TRDN: variants seen among roughly 807,000 people sequenced by gnomAD.
The protein encoded by TRDN is triadin, also known as triadin in skeletal muscle.
In TRDN, 161 loss-of-function variants were observed where a neutral mutation model predicts 149.7. The ratio of observed to expected loss-of-function variants is 1.08; its 90% CI spans 0.95 to 1.23. TRDN has a LOEUF of 1.23. Ranked by LOEUF, TRDN falls within the 50% of genes most tolerant of loss-of-function variation. TRDN has a pLI of 0.00. For missense variants in TRDN, 896 were observed against 823.5 expected, an observed-to-expected ratio of 1.09 and a Z score of -1.08; for synonymous variants, 294 against 250.5, an observed-to-expected ratio of 1.17 and a Z score of -1.64.
chr6:123,455,933 G>T (rs78263077), intron 10 of TRDN, among the ~76,000 whole-genome samples: 5,503 of 152,098 alleles, frequency 0.036, 234 homozygotes, highest in African/African-American at 0.1. Flanking sequence ...AAAATGTCAA[G>T]GATGCCTAGA....
intron 24 of TRDN, among the ~76,000 whole-genome samples, chr6:123,283,341 C>G (rs1245145359): frequency 6.6e-6 from 1 of 151,596 alleles, no homozygotes; most frequent in Non-Finnish European, 1.5e-5. Context: ...AATTCATAGC[C>G]TTAAATGCCT....
chr6:123,307,706 T>A (rs1446819018), intron 24 of TRDN, among the ~76,000 whole-genome samples: 2 of 151,956 alleles, frequency 1.3e-5, no homozygotes, highest in African/African-American at 4.8e-5. Flanking sequence ...ACATTCCCAC[T>A]TTTTCCTGAA....
intron 18 of TRDN, 68 bp downstream of exon 18, chr6:123,377,648 T>C (rs1462709412): frequency 3.2e-6 from 5 of 1,584,608 alleles, no homozygotes; most frequent in Non-Finnish European, 3.5e-6. Flanking sequence ...TACCACCTGT[T>C]TGAGGCTACA....
chr6:123,494,557 T>C (rs1271022056), intron 9 of TRDN, among the ~76,000 whole-genome samples: 1 of 152,188 alleles, frequency 6.6e-6, no homozygotes, highest in Non-Finnish European at 1.5e-5. Flanking sequence ...ACTAATAGAA[T>C]ATGAAGAAAA....
chr6:123,286,862 G>A (rs1337380876), intron 24 of TRDN, among the ~76,000 whole-genome samples: 2 of 151,536 alleles, frequency 1.3e-5, no homozygotes, highest in African/African-American at 4.9e-5. Context: ...GCAGCACCTG[G>A]GGAGTTGCTA....
chr6:123,620,259 A>G (rs1189148605), intron 1 of TRDN, among the ~76,000 whole-genome samples: 2 of 152,170 alleles, frequency 1.3e-5, no homozygotes, highest in Admixed American at 6.6e-5. Context: ...TTGTTAGAAC[A>G]CAGATCACTA....
At chr6:123,445,121 T>G (rs1775232833) in intron 10 of TRDN, 1 of 151,424 alleles carries the variant, frequency 6.6e-6, no homozygotes, top group African/African-American at 2.4e-5. Context: ...GTACCTCTGG[T>G]AGAATTTGGC....
chr6:123,424,697 G>A (rs541425647), intron 12 of TRDN, among the ~76,000 whole-genome samples: 3 of 152,124 alleles, frequency 2.0e-5, no homozygotes, highest in Non-Finnish European at 4.4e-5. Context: ...GTGTGATTAG[G>A]ACCTCAGTTA....
chr6:123,474,672 G>A (rs553249293), intron 9 of TRDN, among the ~76,000 whole-genome samples: 2 of 151,922 alleles, frequency 1.3e-5, no homozygotes, highest in African/African-American at 4.8e-5. Context: ...CACATACTTG[G>A]AAGTAAAGCT....
chr6:123,267,624 G>T, intron 32 of TRDN, 83 bp downstream of exon 32: 3 of 925,064 alleles, frequency 3.2e-6, no homozygotes, highest in South Asian at 4.1e-5. Flanking sequence ...CAGTGAAAAT[G>T]ACTTGTATGC....
chr6:123,387,437 T>C (rs1053006885), intron 14 of TRDN, among the ~76,000 whole-genome samples: 7 of 152,170 alleles, frequency 4.6e-5, no homozygotes, highest in Non-Finnish European at 7.3e-5. Flanking sequence ...TTTTTATTAC[T>C]TTTGTGACTA....
At chr6:123,452,425 A>ATG (rs1775831076) in intron 10 of TRDN, among the ~76,000 whole-genome samples, 1 of 152,128 alleles carries the variant, frequency 6.6e-6, no homozygotes, top group Non-Finnish European at 1.5e-5. Flanking sequence ...TAATGTACAC[A>ATG]TATCAGCAGT....
intron 9 of TRDN, chr6:123,470,589 A>G (rs1180684367): frequency 6.6e-6 from 1 of 152,232 alleles, no homozygotes. Context: ...ACTGGATAGT[A>G]AAGGAAGAGC....
intron 38 of TRDN, among the ~76,000 whole-genome samples, chr6:123,244,206 TC>T (rs144183976): frequency 0.034 from 5,178 of 152,068 alleles, 310 homozygotes; most frequent in African/African-American, 0.12. Context: ...GGATCACAAC[TC>T]CTCGCCAGCA....
chr6:123,363,535 G>C (rs1780976979), intron 20 of TRDN, among the ~76,000 whole-genome samples: 1 of 152,140 alleles, frequency 6.6e-6, no homozygotes, highest in Admixed American at 6.5e-5. Context: ...TTGAGAATTG[G>C]GGTATGAGAT....
At chr6:123,349,983 A>G in intron 21 of TRDN, 7 of 985,402 alleles carry the variant, frequency 7.1e-6, no homozygotes, top group Non-Finnish European at 7.2e-6. Flanking sequence ...AAACTCTTCA[A>G]GTGGACACAA....
intron 22 of TRDN, 134 bp downstream of exon 22, chr6:123,337,485 T>C (rs1458000229): frequency 3.2e-6 from 1 of 314,274 alleles, no homozygotes; most frequent in East Asian, 6.0e-5. Flanking sequence ...AAACACAAGT[T>C]TTTAAAAATA....
chr6:123,408,523 C>T (rs1371404572), intron 12 of TRDN, among the ~76,000 whole-genome samples: 1 of 151,786 alleles, frequency 6.6e-6, no homozygotes, highest in East Asian at 1.9e-4. Context: ...ACTAAAAATA[C>T]AAAAATTAGC....
At chr6:123,328,543 T>C (rs1179100275) in intron 23 of TRDN, among the ~76,000 whole-genome samples, 3 of 152,178 alleles carry the variant, frequency 2.0e-5, no homozygotes, top group Non-Finnish European at 4.4e-5. Context: ...GCACCAATCT[T>C]TCACTGGGCC....
Sources: gnomAD v4.1 joint callset for allele counts (sites outside exome capture counted in the v4.1 genomes callset) on GRCh38, gnomAD v4.1.1 for gene constraint, MANE v1.5 for transcripts, NCBI Gene and HGNC (gene_info 2026-07-23, HGNC 2026-07-21) for gene names.